Variants in FRMPD2 observed in about 807,000 individuals in gnomAD.
The protein encoded by FRMPD2 is FERM and PDZ domain containing 2, also known as FERM and PDZ domain-containing protein 2.
Under a neutral mutation model 140.1 loss-of-function variants are expected in FRMPD2, and 96 were observed. That is an observed-to-expected ratio of 0.69 (90% CI 0.58 to 0.81). The LOEUF is 0.81. Among genes scored for constraint, FRMPD2 ranks in the 40% least tolerant of loss-of-function variants. FRMPD2 has a pLI of 0.00. For synonymous variants in FRMPD2, 449 were observed against 547.6 expected, an observed-to-expected ratio of 0.82 and a Z score of 2.52; for missense variants, 1,240 against 1,447.4, an observed-to-expected ratio of 0.86 and a Z score of 2.32.
intron 8 of FRMPD2, among the ~76,000 whole-genome samples, chr10:48,236,764 G>C (rs1370396794): frequency 6.6e-6 from 1 of 152,186 alleles, no homozygotes; most frequent in Non-Finnish European, 1.5e-5. Flanking sequence ...TAGGGTATCA[G>C]CAACATTCTG....
intron 3 of FRMPD2, among the ~76,000 whole-genome samples, chr10:48,246,214 T>C (rs1588852586): frequency 6.6e-6 from 1 of 152,304 alleles, no homozygotes; most frequent in East Asian, 1.9e-4. Flanking sequence ...AGGCTGGTCT[T>C]CCCACACGGT....
rs1255977171 is a variant in FRMPD2, at chr10:48,222,368, A to G, written c.1400T>C (p.Leu467Pro). ...EERLYCNEEI[L>P]LQLGVLALQA... ...CAAGGCAAGGACCCCCAGCTGCAGCAGTATCTCTTCATTGCAGTACAGCCT... is the reference window on the plus strand; with the variant it reads ...CAAGGCAAGGACCCCCAGCTGCAGCGGTATCTCTTCATTGCAGTACAGCCT... The change falls in exon 12 of 29, where the codon CTG becomes CCG. Residue 467 changes from leucine to proline, a missense_variant. Coordinates refer to ENST00000374201, the MANE Select transcript of FRMPD2 (RefSeq NM_001018071.4). 2 of 1,614,126 alleles carry G rather than the reference A, an allele frequency of 1.2e-6. No homozygotes were observed. Among genetic ancestry groups the G allele is most frequent in the Non-Finnish European group, 1.7e-6 (2 of 1,180,032 alleles).
At chr10:48,200,151 T>TATAAATAAATAAATAA (rs201958134) in intron 15 of FRMPD2, among the ~76,000 whole-genome samples, 1 of 135,518 alleles carries the variant, frequency 7.4e-6, no homozygotes, top group African/African-American at 2.6e-5. Flanking sequence ...AGCTAAAAAA[T>TATAAATAAATAAATAA]ATAAATAAAT....
At position 48,222,728 on chromosome 10, in the gene FRMPD2, C is replaced by T. The variant is rs185574544; in HGVS notation, c.1317-277G>A. ...TGAGTGAGGAAGCTAATAACCAGTT[C>T]GGTGGTGTTTCTAATAAACAAAGAA... On this transcript the variant is annotated intron_variant, in intron 11 of 28. Transcript: ENST00000374201. Among the ~76,000 whole-genome samples, 8 of 152,250 alleles carry T rather than the reference C, an allele frequency of 5.3e-5. No homozygotes were observed. The East Asian group carries it at 7.7e-4, about 15-fold the overall frequency.
Position 48,185,626 on chromosome 10 carries a change from C to A in FRMPD2, c.2286G>T (p.Arg762Ser). 6.2e-7 allele frequency: 1 copy of A among 1,613,886 alleles called. No individual in the cohort carries two copies. Among genetic ancestry groups the A allele is most frequent in the South Asian group, 1.1e-5 (1 of 91,076 alleles). Residue 762 changes from arginine to serine, a missense_variant, in exon 18 of 29, where the codon AGG becomes AGT. Around this residue, in one of 6 missense-constraint regions of FRMPD2, gnomAD observed 1,161 missense variants for 1,055.9 expected, o/e 1.10. Coordinates refer to ENST00000374201, the MANE Select transcript of FRMPD2 (RefSeq NM_001018071.4). ...GGCCCGGTTCAGCTATAAAGCTCTT[C>A]CTCCTATTATTCTTTGAGCCTAGAG... is the stretch of plus-strand genomic sequence containing the variant. ...SMHAGSKNNR[R>S]KSFIAEPGRE...
rs778438633 is a variant in FRMPD2 at position 48,240,466 on chromosome 10, G to A, written c.594C>T (p.Ser198=). The part of the protein sequence containing the change: ...SEVEKRVVEE[S]SSVQQNRSYL... ...AGCTTCTGTTCTGCTGCACAGAGGAGCTTTCCTCCACAACTCTTTTCTCCA... is the reference window on the plus strand; with the variant it reads ...AGCTTCTGTTCTGCTGCACAGAGGAACTTTCCTCCACAACTCTTTTCTCCA... Residue 198 remains serine, a synonymous_variant, in exon 6 of 29, where the codon AGC becomes AGT. Transcript: ENST00000374201. The A allele has an allele frequency of 5.6e-6, 9 of 1,613,714 alleles. No homozygotes were observed. The highest frequency in any genetic ancestry group is 6.8e-6 in the Non-Finnish European group (8 of 1,180,036).
intron 16 of FRMPD2, among the ~76,000 whole-genome samples, chr10:48,190,844 G>A (rs774552289): frequency 7.0e-4 from 106 of 152,318 alleles, no homozygotes; most frequent in South Asian, 3.1e-3. Context: ...CTGGCCAGTC[G>A]CTGGAAGGGC....
chr10:48,244,846 G>A lies in FRMPD2; in HGVS notation c.313C>T (p.His105Tyr), dbSNP rs1301406446. The A allele has an allele frequency of 1.9e-6, 3 of 1,608,482 alleles. No homozygotes were observed. The Admixed American group carries it at 5.0e-5, about 27-fold the overall frequency. ...EDEQPDASQM[H>Y]VYSLGMTLYW... ...AGGGTCATTCCTAAAGAATAGACAT[G>A]CATCTGCCCAAAAGAAGAGTACATG... The change falls in exon 4 of 29, where the codon CAT becomes TAT. Residue 105 changes from histidine to tyrosine, a missense_variant. Transcript: ENST00000374201.
intron 1 of FRMPD2, among the ~76,000 whole-genome samples, chr10:48,272,238 TTTTC>T (rs1840781865): frequency 6.6e-6 from 1 of 152,172 alleles, no homozygotes. Context: ...CCATGAGTCA[TTTTC>T]TCACCACTCT....
In FRMPD2 at chr10:48,240,351, C is replaced by G. The variant is rs752784418; in HGVS notation, c.700+9G>C. ...GCCCACGCAGGGACTGCTTAGGGCA[C>G]GTACCCACCTCTGCAAGGATGCAGA... On this transcript the variant is annotated intron_variant, in intron 6 of 28. Transcript: ENST00000374201. 2 of 1,610,380 alleles carry G rather than the reference C, an allele frequency of 1.2e-6. No individual in the cohort carries two copies. Among genetic ancestry groups the G allele is most frequent in the Non-Finnish European group, 1.7e-6 (2 of 1,179,896 alleles).
chr10:48,172,774 C>G (rs1403303160), intron 25 of FRMPD2, among the ~76,000 whole-genome samples, 172 bp downstream of exon 25: 1 of 152,118 alleles, frequency 6.6e-6, no homozygotes, highest in Non-Finnish European at 1.5e-5. Flanking sequence ...GAAACCTATT[C>G]CATGAGATGG....
At chr10:48,215,944 G>A (rs1485626936) in intron 12 of FRMPD2, among the ~76,000 whole-genome samples, 1 of 152,224 alleles carries the variant, frequency 6.6e-6, no homozygotes, top group Admixed American at 6.5e-5. Flanking sequence ...TCCATAGACT[G>A]AGTAAAGCAG....
At chr10:48,263,318 C>G (rs1375424851) in intron 1 of FRMPD2, among the ~76,000 whole-genome samples, 1 of 151,270 alleles carries the variant, frequency 6.6e-6, no homozygotes, top group Non-Finnish European at 1.5e-5. Context: ...CAAATTAGAA[C>G]AGAAATCAAT....
chr10:48,225,126 G>A (rs1188951488), intron 10 of FRMPD2, among the ~76,000 whole-genome samples: 1 of 152,176 alleles, frequency 6.6e-6, no homozygotes, highest in Non-Finnish European at 1.5e-5. Flanking sequence ...GGGAGGGAGA[G>A]GATTTCGCCA....
intron 1 of FRMPD2, among the ~76,000 whole-genome samples, chr10:48,264,789 T>C (rs1840652236): frequency 6.6e-6 from 1 of 152,102 alleles, no homozygotes; most frequent in Non-Finnish European, 1.5e-5. Flanking sequence ...CAACTAATTC[T>C]AAAGTTTAAA....
chr10:48,193,623 G>A (rs528396563), intron 15 of FRMPD2, among the ~76,000 whole-genome samples: 1 of 152,296 alleles, frequency 6.6e-6, no homozygotes, highest in African/African-American at 2.4e-5. Flanking sequence ...TTTACATAAA[G>A]CCAAGTTAGT....
At chr10:48,171,515 A>T (rs1341767458) in intron 25 of FRMPD2, among the ~76,000 whole-genome samples, 6 of 152,302 alleles carry the variant, frequency 3.9e-5, no homozygotes, top group Admixed American at 3.3e-4. Context: ...AAACAGGTTA[A>T]ATACGCTATA....
intron 1 of FRMPD2, among the ~76,000 whole-genome samples, chr10:48,260,862 A>G (rs1377525719): frequency 1.4e-5 from 2 of 144,708 alleles, no homozygotes; most frequent in Non-Finnish European, 3.0e-5. Context: ...TAAAATAACT[A>G]TGATTAATAT....
intron 12 of FRMPD2, among the ~76,000 whole-genome samples, chr10:48,218,798 G>A (rs1471236936): frequency 6.6e-6 from 1 of 152,228 alleles, no homozygotes; most frequent in African/African-American, 2.4e-5. Flanking sequence ...GACATCATGT[G>A]AGTTCCTATC....
Sources: gnomAD v4.1 joint callset for allele counts (sites outside exome capture counted in the v4.1 genomes callset) on GRCh38, gnomAD v4.1.1 for gene constraint, gnomAD v4.1.1 regional missense constraint, MANE v1.5 for transcripts, NCBI Gene and HGNC (gene_info 2026-07-23, HGNC 2026-07-21) for gene names.